Variants in SRRM4 observed in about 807,000 individuals in gnomAD.
The protein encoded by SRRM4 is serine/arginine repetitive matrix 4, also known as serine/arginine repetitive matrix protein 4.
In SRRM4, 33 loss-of-function variants were observed where a neutral mutation model predicts 68.9. That is an observed-to-expected ratio of 0.48 (90% CI 0.36 to 0.64). SRRM4 has a LOEUF of 0.64. Ranked by LOEUF, SRRM4 falls within the 30% of genes least tolerant of loss-of-function variation. SRRM4 has a pLI of 0.00. For synonymous variants in SRRM4, 318 were observed against 318.8 expected (o/e 1.00, Z 0.03); for missense variants, 817 against 827.1 (o/e 0.99, Z 0.15).
intron 2 of SRRM4, among the ~76,000 whole-genome samples, chr12:119,113,106 C>G (rs962681820): frequency 6.6e-6 from 1 of 152,184 alleles, no homozygotes; most frequent in Admixed American, 6.5e-5. Flanking sequence ...AAAAGTGGCT[C>G]TCTTGAAAAT....
At chr12:119,126,660 C>A (rs1401500965) in intron 7 of SRRM4, among the ~76,000 whole-genome samples, 1 of 152,150 alleles carries the variant, frequency 6.6e-6, no homozygotes, top group Non-Finnish European at 1.5e-5. Context: ...CCTGAGAAGG[C>A]ATCTTGTTGA....
rs542851060 is a variant in SRRM4 at position 119,111,343 on chromosome 12, G to A, written c.279-2935G>A. 2.8e-3 allele frequency among the ~76,000 whole-genome samples: 424 copies of A among 152,096 alleles called. 2 individuals are homozygous for A. The highest frequency in any genetic ancestry group is 8.9e-3 in the South Asian group (43 of 4,810). On this transcript the variant is annotated intron_variant, in intron 2 of 12. Transcript: ENST00000267260. Reference sequence around the variant, plus strand: ...AATGTAGACCTACCAGGGTAAAGGCGTTTGGGATTTATTGAGGGAGTTGAT... The same window carrying A: ...AATGTAGACCTACCAGGGTAAAGGCATTTGGGATTTATTGAGGGAGTTGAT...
At chr12:118,986,151 C>T (rs1050134118) in intron 1 of SRRM4, among the ~76,000 whole-genome samples, 9 of 152,142 alleles carry the variant, frequency 5.9e-5, no homozygotes, top group South Asian at 4.1e-4. Flanking sequence ...AGACTCCCCT[C>T]GGTGCCAAGA....
At chr12:119,044,291 G>A (rs965365443) in intron 1 of SRRM4, among the ~76,000 whole-genome samples, 2 of 152,186 alleles carry the variant, frequency 1.3e-5, no homozygotes, top group African/African-American at 4.8e-5. Flanking sequence ...TGGTGACAGC[G>A]GCGGCCCCTA....
chr12:119,019,955 C>CG (rs1420290296), intron 1 of SRRM4, among the ~76,000 whole-genome samples: 11 of 78,000 alleles, frequency 1.4e-4, no homozygotes, highest in Non-Finnish European at 2.6e-4. Context: ...CCGCTCCCCC[C>CG]CCCCCCAAAA....
In SRRM4 at chr12:119,145,671, G is replaced by C; in HGVS notation, c.1062G>C (p.Arg354Ser). The C allele has an allele frequency of 6.6e-7, 1 of 1,521,480 alleles. No homozygotes were observed. Among genetic ancestry groups the C allele is most frequent in the Non-Finnish European group, 8.8e-7 (1 of 1,135,564 alleles). 94.2% of individuals were successfully genotyped at this position (1,521,480 alleles called of 1,614,324 possible). The change falls in exon 9 of 13, where the codon AGG (arginine) becomes AGC (serine). Residue 354 changes from arginine to serine, a missense_variant. Coordinates refer to ENST00000267260, the MANE Select transcript of SRRM4 (RefSeq NM_194286.4). Reference sequence around the variant, plus strand: ...TGGAGAATCTCTCCCCCACCAGCAGGGGCAGAGAGTCAAGGTCAGTGCACC... The same window carrying C: ...TGGAGAATCTCTCCCCCACCAGCAGCGGCAGAGAGTCAAGGTCAGTGCACC... ...AMLENLSPTS[R>S]GRESRGFQSP... is the part of the protein sequence containing the mutation.
intron 1 of SRRM4, among the ~76,000 whole-genome samples, chr12:119,064,974 G>C (rs1256090022): frequency 6.6e-6 from 1 of 152,074 alleles, no homozygotes; most frequent in African/African-American, 2.4e-5. Context: ...ATAACAATAC[G>C]AGTTATGATT....
At chr12:119,117,599 C>A (rs1954189235) in intron 4 of SRRM4, among the ~76,000 whole-genome samples, 1 of 151,346 alleles carries the variant, frequency 6.6e-6, no homozygotes, top group African/African-American at 2.4e-5. Flanking sequence ...TCACTGTGCA[C>A]ACACACACAC....
chr12:119,106,392 C>T, intron 2 of SRRM4, among the ~76,000 whole-genome samples: 1 of 152,034 alleles, frequency 6.6e-6, no homozygotes, highest in Non-Finnish European at 1.5e-5. Flanking sequence ...CTATAAATTA[C>T]CTTGGGCAGT....
At chr12:119,135,926 T>A (rs1380463000) in intron 8 of SRRM4, among the ~76,000 whole-genome samples, 2 of 152,258 alleles carry the variant, frequency 1.3e-5, no homozygotes, top group East Asian at 3.9e-4. Flanking sequence ...TACCTACTTA[T>A]AGGATTGTTA....
chr12:119,086,889 A>T (rs546532878), intron 1 of SRRM4, among the ~76,000 whole-genome samples: 1 of 152,348 alleles, frequency 6.6e-6, no homozygotes, highest in Non-Finnish European at 1.5e-5. Context: ...CTGGAGGTAG[A>T]GTTCCAAACC....
In SRRM4 at chr12:119,150,889, G is replaced by A. The variant is rs115932838; in HGVS notation, c.1077-128G>A. The A allele has an allele frequency of 1.0e-3, 816 of 788,050 alleles. 4 individuals are homozygous for A. In the African/African-American group the frequency reaches 0.011, roughly 11 times the overall value. The allele number at this position is 788,050 out of a possible 1,614,324, so 48.8% of individuals were successfully genotyped here. A position where few individuals can be genotyped will look rare whatever the true frequency, so the allele number is the denominator to read the frequency against. On this transcript the variant is annotated intron_variant, in intron 9 of 12. Transcript: ENST00000267260. ...CTGGGAAGTCTTTCCAGAGAGAATA[G>A]GATGGGAAAAGGGGCAAAGAGGGTT...
chr12:119,134,777 T>A (rs1164243275), intron 8 of SRRM4, among the ~76,000 whole-genome samples: 1 of 152,190 alleles, frequency 6.6e-6, no homozygotes, highest in Non-Finnish European at 1.5e-5. Flanking sequence ...CTGGCAGTGA[T>A]GAAAGCAACT....
At chr12:119,060,492 C>T (rs536885600) in intron 1 of SRRM4, among the ~76,000 whole-genome samples, 1 of 151,356 alleles carries the variant, frequency 6.6e-6, no homozygotes, top group East Asian at 1.9e-4. Context: ...CTCATTTACA[C>T]CCTCATCCAT....
chr12:119,085,026 G>A (rs1333221689), intron 1 of SRRM4, among the ~76,000 whole-genome samples: 6 of 152,066 alleles, frequency 3.9e-5, no homozygotes, highest in African/African-American at 1.2e-4. Context: ...TCAGCCTCCC[G>A]AGTAGCCGGG....
intron 1 of SRRM4, among the ~76,000 whole-genome samples, chr12:119,061,907 A>T (rs550847800): frequency 6.8e-4 from 104 of 152,240 alleles, no homozygotes; most frequent in African/African-American, 2.5e-3. Context: ...CCCAGAGGGA[A>T]AAAATATCCC....
In SRRM4 at chr12:119,130,818, T is replaced by C. The variant is rs773911471; in HGVS notation, c.755T>C (p.Leu252Pro). ...PSQPLQMLGYLSARGVITGSG... is the reference protein window; with the variant it reads ...PSQPLQMLGYPSARGVITGSG... ...CAACCCCTCCAGATGCTTGGCTACC[T>C]GTCAGCCAGGGGTGTAGTAAGTATT... The change falls in exon 8 of 13, where the codon CTG becomes CCG. Residue 252 changes from leucine (L) to proline (P), a missense_variant. Coordinates refer to ENST00000267260, the MANE Select transcript of SRRM4 (RefSeq NM_194286.4). 7.9e-5 allele frequency: 127 copies of C among 1,605,444 alleles called. No homozygotes were observed. The highest frequency in any genetic ancestry group is 1.6e-5 in the Non-Finnish European group (19 of 1,179,628).
At chr12:119,083,363 C>A (rs1347318374) in intron 1 of SRRM4, among the ~76,000 whole-genome samples, 1 of 152,068 alleles carries the variant, frequency 6.6e-6, no homozygotes, top group East Asian at 1.9e-4. Flanking sequence ...TTCCAGGAAG[C>A]CTTCCCTGAT....
intron 1 of SRRM4, among the ~76,000 whole-genome samples, chr12:119,013,146 T>C (rs529083652): frequency 1.1e-4 from 17 of 152,308 alleles, no homozygotes; most frequent in African/African-American, 3.1e-4. Flanking sequence ...TGTTTGCACA[T>C]GAGTAACAAA....
Sources: gnomAD v4.1 joint callset for allele counts (sites outside exome capture counted in the v4.1 genomes callset) on GRCh38, gnomAD v4.1.1 for gene constraint, MANE v1.5 for transcripts, NCBI Gene and HGNC (gene_info 2026-07-23, HGNC 2026-07-21) for gene names.